Variants in RNF2 observed in about 807,000 individuals in gnomAD.
The protein encoded by RNF2 is E3 ubiquitin-protein ligase RING2.
RNF2 carries 6 observed loss-of-function variants against 37.2 expected under a neutral mutation model. That is an observed-to-expected ratio of 0.16 (90% CI 0.09 to 0.32). The LOEUF is 0.32. RNF2 is among the 10% of genes least tolerant of loss of function. The pLI, the probability that RNF2 is intolerant of heterozygous loss-of-function variation, is 1.00. For missense variants in RNF2, 251 were observed against 404.0 expected (o/e 0.62, Z 3.25); for synonymous variants, 133 against 132.7 (o/e 1.00, Z -0.02).
intron 1 of RNF2, among the ~76,000 whole-genome samples, chr1:185,070,831 T>C (rs907354402): frequency 6.6e-6 from 1 of 151,928 alleles, no homozygotes; most frequent in African/African-American, 2.4e-5. Flanking sequence ...AGAGACTGGG[T>C]TTCACCGTAT....
At chr1:185,083,460 T>G (rs889020621) in intron 1 of RNF2, among the ~76,000 whole-genome samples, 2 of 152,050 alleles carry the variant, frequency 1.3e-5, no homozygotes, top group Non-Finnish European at 2.9e-5. Flanking sequence ...CAGTATAAAG[T>G]CTTGACGGCA....
rs572433818 is a variant in RNF2 at position 185,093,085 on chromosome 1, G to A, written c.273G>A (p.Arg91=). ...GCAACAAAGAATGTCCTACCTGTCG[G>A]AAAAAACTAGTTTCCAAAAGATCAC... ...RSGNKECPTC[R]KKLVSKRSLR... The change falls in exon 4 of 7, where the codon CGG becomes CGA. Residue 91 remains arginine (R), a synonymous_variant. Coordinates refer to ENST00000367510, the MANE Select transcript of RNF2 (RefSeq NM_007212.4). 1 of 1,613,758 alleles carries A rather than the reference G, an allele frequency of 6.2e-7. No homozygotes were observed. The highest frequency in any genetic ancestry group is 2.2e-5 in the East Asian group (1 of 44,846).
At chr1:185,092,864 G>C (rs1470880936) in intron 3 of RNF2, among the ~76,000 whole-genome samples, 197 bp from the exon 4 acceptor site, 3 of 152,050 alleles carry the variant, frequency 2.0e-5, no homozygotes. Flanking sequence ...GAGTGGTATA[G>C]AGGGTTTGAG....
intron 1 of RNF2, chr1:185,071,942 AATGTC>A (rs1650988927): frequency 6.6e-6 from 1 of 152,430 alleles, no homozygotes; most frequent in African/African-American, 2.4e-5. Flanking sequence ...TTGGTGAAGA[AATGTC>A]ATGGCAAAGC....
intron 1 of RNF2, among the ~76,000 whole-genome samples, chr1:185,082,546 G>A (rs1190447623): frequency 6.6e-6 from 1 of 151,600 alleles, no homozygotes. Flanking sequence ...GTAGAGACAG[G>A]GTTTTGCCAT....
intron 1 of RNF2, among the ~76,000 whole-genome samples, chr1:185,070,876 T>TC (rs1650952195): frequency 6.6e-6 from 1 of 152,094 alleles, no homozygotes; most frequent in Non-Finnish European, 1.5e-5. Context: ...GACCTCGTGA[T>TC]CCGCCCGCCT....
chr1:185,083,232 T>C (rs1651481414), intron 1 of RNF2, among the ~76,000 whole-genome samples: 1 of 152,204 alleles, frequency 6.6e-6, no homozygotes. Flanking sequence ...TTAAAAATTA[T>C]TTTGATAGCT....
At chr1:185,097,253 A>G (rs977338615) in intron 4 of RNF2, among the ~76,000 whole-genome samples, 5 of 152,204 alleles carry the variant, frequency 3.3e-5, no homozygotes, top group Non-Finnish European at 2.9e-5. Flanking sequence ...GTTAGAGAGC[A>G]GCTTCTGTGT....
intron 1 of RNF2, among the ~76,000 whole-genome samples, chr1:185,077,625 G>GGTTTTTTTTTTTTTTTT (rs1553241127): frequency 5.7e-4 from 66 of 115,644 alleles, no homozygotes; most frequent in African/African-American, 2.1e-3. Context: ...AATTAACTTT[G>GGTTTTTTTTTTTTTTTT]TTTTTTTTTT....
chr1:185,051,289 AGAAGGG>A (rs1398827420), intron 1 of RNF2, among the ~76,000 whole-genome samples: 5 of 152,216 alleles, frequency 3.3e-5, no homozygotes, highest in Non-Finnish European at 7.3e-5. Flanking sequence ...ACTGTATTAC[AGAAGGG>A]GTAGTATTGT....
chr1:185,059,430 C>T (rs549748807), intron 1 of RNF2, among the ~76,000 whole-genome samples: 4 of 152,150 alleles, frequency 2.6e-5, no homozygotes, highest in Admixed American at 6.5e-5. Context: ...AAAAAAGTAC[C>T]GAGTCCATAT....
At chr1:185,070,872 G>T (rs112784848) in intron 1 of RNF2, among the ~76,000 whole-genome samples, 2,197 of 152,044 alleles carry the variant, frequency 0.014, 58 homozygotes, top group African/African-American at 0.05. Flanking sequence ...TCCTGACCTC[G>T]TGATCCGCCC....
intron 1 of RNF2, among the ~76,000 whole-genome samples, chr1:185,070,905 G>A (rs1298596435): frequency 3.3e-5 from 5 of 152,118 alleles, no homozygotes. Flanking sequence ...CAAAGTGCTT[G>A]GGATTACAGG....
At chr1:185,076,265 GTTGTTTT>G (rs1651150696) in intron 1 of RNF2, among the ~76,000 whole-genome samples, 1 of 39,552 alleles carries the variant, frequency 2.5e-5, no homozygotes, top group African/African-American at 8.2e-5. Context: ...TCTTTTATGG[GTTGTTTT>G]TTTTTTTTTT....
intron 1 of RNF2, among the ~76,000 whole-genome samples, chr1:185,081,192 G>T (rs990437106): frequency 1.3e-5 from 2 of 152,134 alleles, no homozygotes; most frequent in Non-Finnish European, 2.9e-5. Context: ...TTGCCAATGA[G>T]AAATAAGTTT....
intron 1 of RNF2, among the ~76,000 whole-genome samples, chr1:185,057,713 TCTA>T (rs1650475081): frequency 1.3e-5 from 2 of 151,876 alleles, no homozygotes; most frequent in Non-Finnish European, 2.9e-5. Context: ...TCCAGGAGTG[TCTA>T]AGGATCCACA....
chr1:185,072,993 G>C (rs1651031575), intron 1 of RNF2, among the ~76,000 whole-genome samples: 1 of 150,628 alleles, frequency 6.6e-6, no homozygotes, highest in Non-Finnish European at 1.5e-5. Flanking sequence ...CATGTGTTTA[G>C]GTTGTTTAGA....
rs1571316761 is a variant in RNF2, at chr1:185,082,376, A to T, written c.-2-5176A>T. Among the ~76,000 whole-genome samples, 3 of 58,750 alleles carry T rather than the reference A, an allele frequency of 5.1e-5. No individual in the cohort carries two copies. The South Asian group carries it at 1.7e-3, about 34-fold the overall frequency. 38.5% of individuals were successfully genotyped at this position (58,750 alleles called of 152,430 possible). A position where few individuals can be genotyped will look rare whatever the true frequency, so the allele number is the denominator to read the frequency against. ...TTTTTTTTTTTTTTTTTGAAGACAG[A>T]GTCTTGCTCTGTTACCCAGGCTGGA... On this transcript the variant is annotated intron_variant, in intron 1 of 6. Coordinates refer to ENST00000367510, the MANE Select transcript of RNF2 (RefSeq NM_007212.4).
intron 1 of RNF2, among the ~76,000 whole-genome samples, chr1:185,056,532 T>TTTTTTTA (rs1337056512): frequency 5.3e-5 from 8 of 152,000 alleles, no homozygotes; most frequent in African/African-American, 1.9e-4. Context: ...CTCATTTATT[T>TTTTTTTA]TTTTTTATTT....
Sources: allele counts gnomAD v4.1 joint callset (sites outside exome capture counted in the v4.1 genomes callset), GRCh38; gene constraint gnomAD v4.1.1; transcripts MANE v1.5; gene names NCBI Gene and HGNC (gene_info 2026-07-23, HGNC 2026-07-21).